SMKR1: variants seen among roughly 807,000 people sequenced by gnomAD.
SMKR1 encodes the protein small lysine-rich protein 1.
Under a neutral mutation model 4.0 loss-of-function variants are expected in SMKR1, and 4 were observed. The ratio of observed to expected loss-of-function variants is 1.00; its 90% CI spans 0.49 to 2.30. The LOEUF (loss-of-function observed/expected upper bound fraction) is 2.30, where lower values mean the gene tolerates loss of function less well. Ranked by LOEUF, SMKR1 falls within the 30% of genes most tolerant of loss-of-function variation. SMKR1 has a pLI of 0.02. For missense variants in SMKR1, 56 were observed against 81.8 expected (o/e 0.68, Z 1.22); for synonymous variants, 38 against 32.5 (o/e 1.17, Z -0.58).
rs111401727 is a variant in SMKR1, at chr7:129,502,988, C to T, written c.3+161C>T. ...GACAAGGGGTGCCCGGCGGTCCGCGCCTGCTGGGGGCGCAGCAGCCGCGGA... is the reference window on the plus strand; with the variant it reads ...GACAAGGGGTGCCCGGCGGTCCGCGTCTGCTGGGGGCGCAGCAGCCGCGGA... On this transcript the variant is annotated intron_variant, in intron 1 of 1. Transcript: ENST00000462322. 6.4e-3 allele frequency among the ~76,000 whole-genome samples: 974 copies of T among 151,730 alleles called. 39 individuals carry two copies. The highest frequency in any genetic ancestry group is 0.023 in the African/African-American group (927 of 41,094).
At chr7:129,512,186 A>G in intron 1 of SMKR1, 61 bp from the exon 2 acceptor site, 1 of 1,451,752 alleles carries the variant, frequency 6.9e-7, no homozygotes, top group South Asian at 1.4e-5. Flanking sequence ...CCCTGTCTCA[A>G]AAAAAACAAA....
chr7:129,512,293 A>G lies in SMKR1; in HGVS notation c.50A>G (p.Lys17Arg), dbSNP rs1327200672. 1 of 1,535,170 alleles carries G rather than the reference A, an allele frequency of 6.5e-7. No individual in the cohort carries two copies. The highest frequency in any genetic ancestry group is 1.4e-5 in the African/African-American group (1 of 72,988). ...KGKGQGKSHG[K>R]KQKKPEVDIL... ...AAAGGCCAGGGCAAGTCTCATGGGA[A>G]GAAACAGAAGAAACCAGAAGTGGAC... The change falls in exon 2 of 2, where the codon AAG (lysine) becomes AGG (arginine). Residue 17 changes from lysine to arginine, a missense_variant. Transcript: ENST00000462322.
At chr7:129,507,004 A>G (rs1584985495) in intron 1 of SMKR1, among the ~76,000 whole-genome samples, 1 of 149,790 alleles carries the variant, frequency 6.7e-6, no homozygotes, top group Non-Finnish European at 1.5e-5. Context: ...GCATACCACC[A>G]CCACATCTGA....
At chr7:129,509,939 G>T (rs1359149482) in intron 1 of SMKR1, among the ~76,000 whole-genome samples, 1 of 152,144 alleles carries the variant, frequency 6.6e-6, no homozygotes, top group Non-Finnish European at 1.5e-5. Flanking sequence ...TTATATAAAT[G>T]CTTACCCCTT....
At chr7:129,506,925 T>C (rs1799472905) in intron 1 of SMKR1, among the ~76,000 whole-genome samples, 1 of 149,876 alleles carries the variant, frequency 6.7e-6, no homozygotes, top group African/African-American at 2.5e-5. Flanking sequence ...AGCAACTTGA[T>C]CGTGGCTCAC....
chr7:129,511,662 G>A (rs969404711), intron 1 of SMKR1, among the ~76,000 whole-genome samples: 3 of 152,132 alleles, frequency 2.0e-5, no homozygotes, highest in Non-Finnish European at 2.9e-5. Context: ...AAATTAGATT[G>A]CGTGTGACTT....
chr7:129,510,953 C>T (rs1259466352), intron 1 of SMKR1, among the ~76,000 whole-genome samples: 6 of 152,092 alleles, frequency 3.9e-5, no homozygotes, highest in Non-Finnish European at 7.3e-5. Context: ...GGATTACAGG[C>T]GCTTGCCACC....
At chr7:129,512,208 T>G (rs1381216187) in intron 1 of SMKR1, 39 bp from the exon 2 acceptor site, 6 of 1,478,088 alleles carry the variant, frequency 4.1e-6, no homozygotes, top group Admixed American at 5.3e-5. Context: ...ACCAAAAAAC[T>G]AACTTCCCTC....
At chr7:129,512,209 A>T (rs1417847874) in intron 1 of SMKR1, 38 bp from the exon 2 acceptor site, 2 of 1,480,434 alleles carry the variant, frequency 1.4e-6, no homozygotes, top group East Asian at 5.0e-5. Flanking sequence ...CCAAAAAACT[A>T]ACTTCCCTCC....
chr7:129,509,633 CG>C (rs1026446262), intron 1 of SMKR1, among the ~76,000 whole-genome samples: 1 of 152,056 alleles, frequency 6.6e-6, no homozygotes, highest in African/African-American at 2.4e-5. Context: ...CTCCGTCTTC[CG>C]GGTTCAAGAG....
chr7:129,505,264 G>T (rs1250319950), intron 1 of SMKR1, among the ~76,000 whole-genome samples: 1 of 152,172 alleles, frequency 6.6e-6, no homozygotes, highest in Non-Finnish European at 1.5e-5. Context: ...GAAAAGTGGT[G>T]CGGGGAAGGA....
rs1799533329 is a variant in SMKR1, at chr7:129,512,165, TG to T, written c.4-79del. On this transcript the variant is annotated intron_variant, in intron 1 of 1. Transcript: ENST00000462322. Reference sequence around the variant, plus strand: ...TGTCACTACACTCCAGCCTGGGTGTTGGGAGTGAAACCCTGTCTCAAAAAAA... The same window carrying T: ...TGTCACTACACTCCAGCCTGGGTGTTGGAGTGAAACCCTGTCTCAAAAAAA... 3 of 1,318,344 alleles carry T rather than the reference TG, an allele frequency of 2.3e-6. No individual in the cohort carries two copies. The East Asian group carries it at 7.7e-5, about 34-fold the overall frequency. 81.7% of individuals were successfully genotyped at this position (1,318,344 alleles called of 1,614,324 possible). A position where few individuals can be genotyped will look rare whatever the true frequency, so the allele number is the denominator to read the frequency against.
intron 1 of SMKR1, among the ~76,000 whole-genome samples, chr7:129,505,297 GT>G (rs1343040260): frequency 6.6e-6 from 1 of 152,148 alleles, no homozygotes; most frequent in African/African-American, 2.4e-5. Context: ...CTCTACTGGG[GT>G]TGCTGGGAGA....
At chr7:129,511,408 C>T (rs1799525396) in intron 1 of SMKR1, among the ~76,000 whole-genome samples, 1 of 152,246 alleles carries the variant, frequency 6.6e-6, no homozygotes, top group African/African-American at 2.4e-5. Flanking sequence ...AAACCTCAGG[C>T]CTTCTTTCAT....
At position 129,504,074 on chromosome 7, in the gene SMKR1, C is replaced by T. The variant is rs554934922; in HGVS notation, c.3+1247C>T. Among the ~76,000 whole-genome samples the T allele has an allele frequency of 2.0e-4, 31 of 152,212 alleles. 1 individual carries two copies. The East Asian group carries it at 5.2e-3, about 26-fold the overall frequency. Reference sequence around the variant, plus strand: ...AACGCCTGGGCTCAAGGGATCCGCCCGCCTTGGCCTCTCAAATTGCTGGGA... The same window carrying T: ...AACGCCTGGGCTCAAGGGATCCGCCTGCCTTGGCCTCTCAAATTGCTGGGA... On this transcript the variant is annotated intron_variant, in intron 1 of 1. Transcript: ENST00000462322.
In SMKR1 at chr7:129,502,625, C is replaced by T. The variant is rs1799421669; in HGVS notation, c.-200C>T. The T allele has an allele frequency of 2.8e-6, 2 of 722,770 alleles. No homozygotes were observed. Among genetic ancestry groups the T allele is most frequent in the Non-Finnish European group, 4.2e-6 (2 of 479,982 alleles). The allele number at this position is 722,770 out of a possible 1,614,324, so 44.8% of individuals were successfully genotyped here. A position where few individuals can be genotyped will look rare whatever the true frequency, so the allele number is the denominator to read the frequency against. ...CAGGCGGCTCCGCGGCTGGCTGCCT[C>T]CCGAGCCGGCCGCGCTCCTCCCAGC... On this transcript the variant is annotated 5_prime_UTR_variant, in exon 1 of 2. Transcript: ENST00000462322.
intron 1 of SMKR1, among the ~76,000 whole-genome samples, chr7:129,507,442 A>G (rs550655076): frequency 2.6e-5 from 4 of 152,166 alleles, no homozygotes; most frequent in East Asian, 3.9e-4. Context: ...GAGCCACTGT[A>G]CCCAGCCTGT....
Position 129,502,691 on chromosome 7 carries a change from G to A in SMKR1, c.-134G>A, listed in dbSNP as rs1799422799. 4 of 1,361,368 alleles carry A rather than the reference G, an allele frequency of 2.9e-6. No individual in the cohort carries two copies. The highest frequency in any genetic ancestry group is 3.0e-6 in the Non-Finnish European group (3 of 998,442). The allele number at this position is 1,361,368 out of a possible 1,614,324, so 84.3% of individuals were successfully genotyped here. A position where few individuals can be genotyped will look rare whatever the true frequency, so the allele number is the denominator to read the frequency against. Reference sequence around the variant, plus strand: ...GGCGTAGTGAGGCTGGGCCCGTGGCGGTTCCCTGAGGAGGGCCGAGAAGGG... The same window carrying A: ...GGCGTAGTGAGGCTGGGCCCGTGGCAGTTCCCTGAGGAGGGCCGAGAAGGG... On this transcript the variant is annotated 5_prime_UTR_variant, in exon 1 of 2. Transcript: ENST00000462322.
intron 1 of SMKR1, among the ~76,000 whole-genome samples, chr7:129,503,939 C>T (rs1341228516): frequency 2.0e-5 from 3 of 151,622 alleles, no homozygotes; most frequent in Non-Finnish European, 4.4e-5. Flanking sequence ...GTGATCCTCC[C>T]GCCTCAGCCT....
Sources: gnomAD v4.1 joint callset for allele counts (sites outside exome capture counted in the v4.1 genomes callset) on GRCh38, gnomAD v4.1.1 for gene constraint, MANE v1.5 for transcripts, NCBI Gene and HGNC (gene_info 2026-07-23, HGNC 2026-07-21) for gene names.